SPIDR: variants seen among roughly 807,000 people sequenced by gnomAD.
SPIDR encodes DNA repair-scaffolding protein.
A neutral mutation model predicts 104.6 loss-of-function variants in SPIDR; 93 were observed. That is an observed-to-expected ratio of 0.89 (90% confidence interval 0.75 to 1.06). The LOEUF is 1.06. Among genes scored for constraint, SPIDR ranks in the 50% least tolerant of loss-of-function variants. The probability of loss-of-function intolerance (pLI) is 0.00; values close to 1 mark genes in which losing one functional copy is unlikely to be tolerated. For missense variants in SPIDR, 1,154 were observed against 1,111.2 expected (o/e 1.04, Z -0.55); for synonymous variants, 431 against 416.9 (o/e 1.03, Z -0.41).
At chr8:47,677,117 G>A (rs1396787314) in intron 11 of SPIDR, among the ~76,000 whole-genome samples, 3 of 152,116 alleles carry the variant, frequency 2.0e-5, no homozygotes, top group African/African-American at 4.8e-5. Flanking sequence ...TCCTCTCCGG[G>A]GCACACCTGC....
At chr8:47,640,192 G>A (rs148006904) in intron 10 of SPIDR, among the ~76,000 whole-genome samples, 27 of 152,124 alleles carry the variant, frequency 1.8e-4, no homozygotes, top group African/African-American at 6.5e-4. Context: ...CAGAGCTATT[G>A]GCCAACACCC....
chr8:47,548,176 A>G (rs1363136913), intron 8 of SPIDR, among the ~76,000 whole-genome samples: 2 of 152,204 alleles, frequency 1.3e-5, no homozygotes, highest in African/African-American at 4.8e-5. Flanking sequence ...GATAAGAAAA[A>G]GTAGCTTTTG....
At chr8:47,419,628 C>T (rs2065046761) in intron 7 of SPIDR, among the ~76,000 whole-genome samples, 1 of 152,104 alleles carries the variant, frequency 6.6e-6, no homozygotes, top group Non-Finnish European at 1.5e-5. Context: ...TTCAGTTCTG[C>T]TCTGATCTTA....
intron 5 of SPIDR, among the ~76,000 whole-genome samples, chr8:47,339,402 A>G (rs2050314629): frequency 6.6e-6 from 1 of 152,210 alleles, no homozygotes; most frequent in Non-Finnish European, 1.5e-5. Context: ...AGAGAAAAAT[A>G]TTTGAAGATG....
At chr8:47,608,885 G>A (rs1004026908) in intron 10 of SPIDR, among the ~76,000 whole-genome samples, 2 of 152,158 alleles carry the variant, frequency 1.3e-5, no homozygotes, top group East Asian at 1.9e-4. Context: ...GCGCTACCAC[G>A]CCCAGCTAAT....
chr8:47,466,603 G>A (rs1315638111), intron 8 of SPIDR, among the ~76,000 whole-genome samples: 1 of 152,042 alleles, frequency 6.6e-6, no homozygotes, highest in Non-Finnish European at 1.5e-5. Context: ...GCTCACGCCT[G>A]TAATCCCAGC....
chr8:47,354,188 A>G (rs1436990188), intron 5 of SPIDR, among the ~76,000 whole-genome samples: 8 of 152,166 alleles, frequency 5.3e-5, no homozygotes, highest in African/African-American at 1.4e-4. Flanking sequence ...TCTCAATCAT[A>G]TATGTGAATT....
At chr8:47,397,527 G>A (rs1554659283) in intron 6 of SPIDR, among the ~76,000 whole-genome samples, 1 of 152,088 alleles carries the variant, frequency 6.6e-6, no homozygotes, top group Non-Finnish European at 1.5e-5. Flanking sequence ...GAAAGAAAGA[G>A]AACCTGTAGG....
chr8:47,653,932 G>T, intron 10 of SPIDR: 3 of 963,374 alleles, frequency 3.1e-6, no homozygotes, highest in Non-Finnish European at 3.7e-6. Flanking sequence ...GGGAATAAGA[G>T]AAGTCTTCAT....
At chr8:47,716,182 A>G (rs1209374588) in intron 16 of SPIDR, among the ~76,000 whole-genome samples, 1 of 151,092 alleles carries the variant, frequency 6.6e-6, no homozygotes, top group Non-Finnish European at 1.5e-5. Flanking sequence ...CTGGTCTTGA[A>G]CTCCTGACCT....
chr8:47,542,455 C>T (rs1345749605), intron 8 of SPIDR, among the ~76,000 whole-genome samples: 2 of 151,950 alleles, frequency 1.3e-5, no homozygotes, highest in African/African-American at 2.4e-5. Context: ...GAAGACTTAC[C>T]GCTCCCTTGG....
chr8:47,362,317 A>C (rs1341632484), intron 5 of SPIDR, among the ~76,000 whole-genome samples: 4 of 152,156 alleles, frequency 2.6e-5, no homozygotes, highest in African/African-American at 9.7e-5. Context: ...GCAGAGTTGA[A>C]AACTCCCTAA....
At chr8:47,520,569 G>A (rs1002921004) in intron 8 of SPIDR, among the ~76,000 whole-genome samples, 2 of 152,166 alleles carry the variant, frequency 1.3e-5, no homozygotes, top group African/African-American at 4.8e-5. Context: ...ACAAGACCGT[G>A]TGCTGGAAGT....
intron 8 of SPIDR, among the ~76,000 whole-genome samples, chr8:47,477,227 T>G (rs532871178): frequency 2.0e-5 from 3 of 151,496 alleles, no homozygotes; most frequent in African/African-American, 7.3e-5. Context: ...TGAGACAGAG[T>G]CTCGCTCTGT....
rs370526185 is a variant in SPIDR, at chr8:47,685,517, A to ATTTTT, written c.1685+11579_1685+11583dup. Among the ~76,000 whole-genome samples the ATTTTT allele has an allele frequency of 2.8e-4, 36 of 130,168 alleles. 1 individual carries two copies. Among genetic ancestry groups the ATTTTT allele is most frequent in the East Asian group, 9.5e-4 (4 of 4,212 alleles). The allele number at this position is 130,168 out of a possible 152,430, so 85.4% of individuals were successfully genotyped here. A position where few individuals can be genotyped will look rare whatever the true frequency, so the allele number is the denominator to read the frequency against. On this transcript the variant is annotated intron_variant, in intron 11 of 19. Coordinates refer to ENST00000297423, the MANE Select transcript of SPIDR (RefSeq NM_001080394.4). ...TATTTATTTATTTATTTATTTATTT[A>ATTTTT]TTTTTTTGAGACAGTCTCTCTCTGT... is the stretch of plus-strand genomic sequence containing the variant.
At chr8:47,567,369 G>A (rs926753329) in intron 8 of SPIDR, among the ~76,000 whole-genome samples, 7 of 151,802 alleles carry the variant, frequency 4.6e-5, no homozygotes, top group South Asian at 4.2e-4. Context: ...ACAGCCATGC[G>A]CCACCACGCC....
At chr8:47,401,804 CACAAT>C (rs1747029803) in intron 6 of SPIDR, among the ~76,000 whole-genome samples, 1 of 152,194 alleles carries the variant, frequency 6.6e-6, no homozygotes, top group South Asian at 2.1e-4. Flanking sequence ...TATATGTGCA[CACAAT>C]ACAAGAGCAC....
At chr8:47,575,757 C>T (rs1457826546) in intron 8 of SPIDR, among the ~76,000 whole-genome samples, 2 of 151,538 alleles carry the variant, frequency 1.3e-5, no homozygotes, top group Non-Finnish European at 1.5e-5. Flanking sequence ...GTCAGGAGTT[C>T]GAGACCAGCC....
chr8:47,360,307 A>C (rs2055590646), intron 5 of SPIDR, among the ~76,000 whole-genome samples: 1 of 151,348 alleles, frequency 6.6e-6, no homozygotes, highest in African/African-American at 2.4e-5. Flanking sequence ...GAGAGAGGCA[A>C]CAAGAATCAG....
Sources: allele counts gnomAD v4.1 joint callset (sites outside exome capture counted in the v4.1 genomes callset), GRCh38; gene constraint gnomAD v4.1.1; transcripts MANE v1.5; gene names NCBI Gene and HGNC (gene_info 2026-07-23, HGNC 2026-07-21).